The following TRIM26 variants were observed in gnomAD, a reference collection of about 807,000 sequenced individuals.
TRIM26 encodes tripartite motif-containing protein 26.
Under a neutral mutation model 45.5 loss-of-function variants are expected in TRIM26, and 16 were observed. That is an observed-to-expected ratio of 0.35 (90% CI 0.24 to 0.53). The LOEUF (loss-of-function observed/expected upper bound fraction) is 0.53. TRIM26 is among the 20% of genes least tolerant of loss of function. The pLI is 0.92. For synonymous variants in TRIM26, 273 were observed against 290.4 expected (o/e 0.94, Z 0.61); for missense variants, 442 against 691.1 (o/e 0.64, Z 4.04).
chr6:30,185,684 T>C lies in TRIM26; in HGVS notation c.*192A>G. ...GCAGGAGGTGGGAAAAGAGCCCCAT[T>C]AGGGCAGTAGATGGAGCAACAGCAC... is the stretch of plus-strand genomic sequence containing the variant. On this transcript the variant is annotated 3_prime_UTR_variant, in exon 10 of 10. Transcript: ENST00000454678. The surrounding 1 kb of genome is among the most constrained non-coding windows in gnomAD (Gnocchi z 5.7). 1.5e-6 allele frequency: 1 copy of C among 649,946 alleles called. No homozygotes were observed. The highest frequency in any genetic ancestry group is 2.6e-6 in the Non-Finnish European group (1 of 386,074). The allele number at this position is 649,946 out of a possible 1,614,324, so 40.3% of individuals were successfully genotyped here.
intron 9 of TRIM26, chr6:30,188,217 C>CA (rs9280914): frequency 0.023 from 2,424 of 105,066 alleles, 161 homozygotes; most frequent in Middle Eastern, 0.034. Context: ...GACTCCGTCT[C>CA]AAAAAAAAAA....
rs960434926 is a variant in TRIM26, at chr6:30,209,088, G to C, written c.-376+4217C>G. Among the ~76,000 whole-genome samples the C allele has an allele frequency of 6.6e-6, 1 of 152,134 alleles. No individual in the cohort carries two copies. The highest frequency in any genetic ancestry group is 2.4e-5 in the African/African-American group (1 of 41,418). ...ATGTTTATCTTTGGGGAGAGAAGGG[G>C]AAGGGCCCACCCAGCTTCTGTTCTT... is the stretch of plus-strand genomic sequence containing the variant. On this transcript the variant is annotated intron_variant, in intron 1 of 9. Transcript: ENST00000454678. The surrounding 1 kb of genome is among the most constrained non-coding windows in gnomAD (Gnocchi z 4.8).
intron 9 of TRIM26, among the ~76,000 whole-genome samples, chr6:30,187,850 G>A (rs1262668401): frequency 6.9e-5 from 10 of 144,812 alleles, no homozygotes; most frequent in Non-Finnish European, 1.5e-4. Context: ...CCTGGGAGGC[G>A]GGGCTCGCAG....
chr6:30,199,048 C>T lies in TRIM26; in HGVS notation c.56G>A (p.Cys19Tyr). ...CACAGGGTCCCGCAGGTAATCAAGACAGATGGAGCAGGTCACCTCCTCTTC... is the reference window on the plus strand; with the variant it reads ...CACAGGGTCCCGCAGGTAATCAAGATAGATGGAGCAGGTCACCTCCTCTTC... ...SLEEEVTCSICLDYLRDPVTI... is the reference protein window; with the variant it reads ...SLEEEVTCSIYLDYLRDPVTI... Residue 19 changes from cysteine (C) to tyrosine (Y), a missense_variant, in exon 4 of 10, where the codon TGT becomes TAT. Coordinates refer to ENST00000454678, the MANE Select transcript of TRIM26 (RefSeq NM_003449.5). 1 of 1,600,732 alleles carries T rather than the reference C, an allele frequency of 6.2e-7. No individual in the cohort carries two copies. The highest frequency in any genetic ancestry group is 8.5e-7 in the Non-Finnish European group (1 of 1,171,402).
chr6:30,184,844 G>C lies in TRIM26; in HGVS notation c.*1032C>G, dbSNP rs1774987715. ...CACCTGGACAGAGGTTGGGTCCGTG[G>C]GCAATGAGAAGACATGTTACTCCCT... is the stretch of plus-strand genomic sequence containing the variant. On this transcript the variant is annotated 3_prime_UTR_variant, in exon 10 of 10. Coordinates refer to ENST00000454678, the MANE Select transcript of TRIM26 (RefSeq NM_003449.5). 1 of 152,864 alleles carries C rather than the reference G, an allele frequency of 6.5e-6. No homozygotes were observed. Among genetic ancestry groups the C allele is most frequent in the South Asian group, 2.1e-4 (1 of 4,830 alleles). The allele number at this position is 152,864 out of a possible 1,614,324, so 9.5% of individuals were successfully genotyped here.
rs1392806624 is a variant in TRIM26 at position 30,198,842 on chromosome 6, G to C, written c.262C>G (p.Gln88Glu). 1.9e-6 allele frequency: 3 copies of C among 1,612,888 alleles called. No homozygotes were observed. Among genetic ancestry groups the C allele is most frequent in the African/African-American group, 1.3e-5 (1 of 75,020 alleles). ...TGCTCCCGGGTCACCTCTCCCGGCT[G>C]CCTGCCCTTGTCCACCTTCAGCCGC... ...IERLKVDKGR[Q>E]PGEVTREQQD... The change falls in exon 4 of 10, where the codon CAG (glutamine) becomes GAG (glutamate). Residue 88 changes from glutamine to glutamate, a missense_variant. Physicochemically the swap from Gln to Glu is conservative, Grantham distance 29. Coordinates refer to ENST00000454678, the MANE Select transcript of TRIM26 (RefSeq NM_003449.5). This position sits in a 1 kb window ranked among gnomAD's most constrained non-coding sequence, Gnocchi z 6.3.
Position 30,189,443 on chromosome 6 carries a change from CAG to C in TRIM26, c.877_878del (p.Leu293AlafsTer18). ...CCTGGAATTCCCTCAGGCCTCGTTG[CAG>C]AGAGAGGAGTTTATCTGAGAATTCT... is the stretch of plus-strand genomic sequence containing the variant. ...TGEFSDKLLS[L>X]QRGLREFQGK... On this transcript the variant is annotated frameshift_variant, in exon 8 of 10. Transcript: ENST00000454678. LOFTEE classifies it high-confidence loss of function. This position sits in a 1 kb window ranked among gnomAD's most constrained non-coding sequence, Gnocchi z 5.0. 1.2e-6 allele frequency: 2 copies of C among 1,612,988 alleles called. No homozygotes were observed. The highest frequency in any genetic ancestry group is 1.7e-6 in the Non-Finnish European group (2 of 1,180,026).
At chr6:30,188,851 G>A (rs1775497227) in intron 9 of TRIM26, among the ~76,000 whole-genome samples, 1 of 152,124 alleles carries the variant, frequency 6.6e-6, no homozygotes, top group African/African-American at 2.4e-5. Context: ...TCTGAATATA[G>A]GAGCCATGCA....
Position 30,199,021 on chromosome 6 carries a change from G to A in TRIM26, c.83C>T (p.Thr28Ile), listed in dbSNP as rs1425630564. The change falls in exon 4 of 10, where the codon ACC becomes ATC. Residue 28 changes from threonine (T) to isoleucine (I), a missense_variant. Transcript: ENST00000454678. Reference protein sequence around the residue: ...ICLDYLRDPVTIDCGHVFCRS... With the variant: ...ICLDYLRDPVIIDCGHVFCRS... ...GCAGAAGACGTGGCCACAGTCAATGGTCACAGGGTCCCGCAGGTAATCAAG... is the reference window on the plus strand; with the variant it reads ...GCAGAAGACGTGGCCACAGTCAATGATCACAGGGTCCCGCAGGTAATCAAG... 6.2e-7 allele frequency: 1 copy of A among 1,610,532 alleles called. No individual in the cohort carries two copies. Among genetic ancestry groups the A allele is most frequent in the African/African-American group, 1.3e-5 (1 of 74,860 alleles).
chr6:30,193,381 C>T (rs1013317797), intron 6 of TRIM26, among the ~76,000 whole-genome samples: 16 of 150,440 alleles, frequency 1.1e-4, no homozygotes, highest in South Asian at 2.1e-4. Context: ...GGGGTTTCAC[C>T]ATGTTGGTCA....
In TRIM26 at chr6:30,198,669, G is replaced by T; in HGVS notation, c.435C>A (p.His145Gln). The T allele has an allele frequency of 6.2e-7, 1 of 1,604,472 alleles. No individual in the cohort carries two copies. Reference protein sequence around the residue: ...AVLMEKAAQPHREKILNHLST... With the variant: ...AVLMEKAAQPQREKILNHLST... ...CTCGGGGGTGAAGAGGGCTTACCCT[G>T]TGGGGCTGGGCGGCCTTCTCCATGA... Residue 145 changes from histidine (H) to glutamine (Q), a missense_variant, in exon 4 of 10, where the codon CAC becomes CAA. Transcript: ENST00000454678. This position sits in a 1 kb window ranked among gnomAD's most constrained non-coding sequence, Gnocchi z 6.3.
chr6:30,189,886 G>T lies in TRIM26; in HGVS notation c.788+127C>A. 1 of 1,144,434 alleles carries T rather than the reference G, an allele frequency of 8.7e-7. No homozygotes were observed. Among genetic ancestry groups the T allele is most frequent in the Non-Finnish European group, 1.3e-6 (1 of 768,386 alleles). 70.9% of individuals were successfully genotyped at this position (1,144,434 alleles called of 1,614,324 possible). A position where few individuals can be genotyped will look rare whatever the true frequency, so the allele number is the denominator to read the frequency against. Reference sequence around the variant, plus strand: ...GTCCTGCTCCTCAGAAGGGCATCAGGATGAACCATGGGATGTGAGTACCTC... The same window carrying T: ...GTCCTGCTCCTCAGAAGGGCATCAGTATGAACCATGGGATGTGAGTACCTC... On this transcript the variant is annotated intron_variant, in intron 7 of 9. Coordinates refer to ENST00000454678, the MANE Select transcript of TRIM26 (RefSeq NM_003449.5). The surrounding 1 kb of genome is among the most constrained non-coding windows in gnomAD (Gnocchi z 5.0).
Position 30,186,160 on chromosome 6 carries a change from CAG to C in TRIM26, c.1334_1335del (p.Ser445CysfsTer34). The C allele has an allele frequency of 2.5e-6, 4 of 1,596,288 alleles. No individual in the cohort carries two copies. Among genetic ancestry groups the C allele is most frequent in the Non-Finnish European group, 3.4e-6 (4 of 1,170,976 alleles). ...AGGGAGAGGTCTCCCTTCCTCTTCA[CAG>C]AGTCTCTAGCCACCCCCACCATGCA... Reference protein sequence around the residue: ...ESCMVGVARDSVKRKGDLSLR... With the variant: ...ESCMVGVARDXVKRKGDLSLR... On this transcript the variant is annotated frameshift_variant, in exon 10 of 10. Transcript: ENST00000454678. LOFTEE classifies it high-confidence loss of function. This position sits in a 1 kb window ranked among gnomAD's most constrained non-coding sequence, Gnocchi z 7.4.
At chr6:30,188,260 TG>T in intron 9 of TRIM26, 1 of 340,140 alleles carries the variant, frequency 2.9e-6, no homozygotes, top group Non-Finnish European at 5.6e-6. Context: ...GGGACAGATG[TG>T]GCCTCTGAGT....
Position 30,189,228 on chromosome 6 carries a change from C to A in TRIM26, c.905-29G>T, listed in dbSNP as rs752530827. ...GGGAGAAAAAAGGACAGCAATGACT[C>A]AAGTCCCGAAAATTTATGAGCCCAT... On this transcript the variant is annotated intron_variant, in intron 8 of 9. Coordinates refer to ENST00000454678, the MANE Select transcript of TRIM26 (RefSeq NM_003449.5). This position sits in a 1 kb window ranked among gnomAD's most constrained non-coding sequence, Gnocchi z 5.0. 2 of 1,613,020 alleles carry A rather than the reference C, an allele frequency of 1.2e-6. No individual in the cohort carries two copies. The highest frequency in any genetic ancestry group is 2.2e-5 in the South Asian group (2 of 91,066).
At position 30,185,624 on chromosome 6, in the gene TRIM26, T is replaced by C; in HGVS notation, c.*252A>G. 1.8e-6 allele frequency: 1 copy of C among 545,776 alleles called. No homozygotes were observed. Among genetic ancestry groups the C allele is most frequent in the African/African-American group, 1.9e-5 (1 of 52,636 alleles). 33.8% of individuals were successfully genotyped at this position (545,776 alleles called of 1,614,324 possible). On this transcript the variant is annotated 3_prime_UTR_variant, in exon 10 of 10. Transcript: ENST00000454678. This position sits in a 1 kb window ranked among gnomAD's most constrained non-coding sequence, Gnocchi z 5.7. Reference sequence around the variant, plus strand: ...TGGTCAAAAAGGAAAGGAGCCCTCATGGACTCCAGGGTCAGAAGTTCCCTC... The same window carrying C: ...TGGTCAAAAAGGAAAGGAGCCCTCACGGACTCCAGGGTCAGAAGTTCCCTC...
chr6:30,203,051 T>C lies in TRIM26; in HGVS notation c.-266+1605A>G, dbSNP rs879510457. ...AAAAATTATTTCCTCTCTTTCTTTTTTTTTTTTTTTTTTTTGAGACAGGGT... is the reference window on the plus strand; with the variant it reads ...AAAAATTATTTCCTCTCTTTCTTTTCTTTTTTTTTTTTTTTGAGACAGGGT... On this transcript the variant is annotated intron_variant, in intron 2 of 9. Transcript: ENST00000454678. Among the ~76,000 whole-genome samples the C allele has an allele frequency of 2.6e-4, 39 of 148,934 alleles. 1 individual carries two copies. Among genetic ancestry groups the C allele is most frequent in the African/African-American group, 4.4e-4 (18 of 40,822 alleles).
Position 30,189,230 on chromosome 6 carries a change from A to G in TRIM26, c.905-31T>C, listed in dbSNP as rs983690041. 5 of 1,613,062 alleles carry G rather than the reference A, an allele frequency of 3.1e-6. No homozygotes were observed. The highest frequency in any genetic ancestry group is 1.3e-5 in the African/African-American group (1 of 75,054). On this transcript the variant is annotated intron_variant, in intron 8 of 9. Coordinates refer to ENST00000454678, the MANE Select transcript of TRIM26 (RefSeq NM_003449.5). The surrounding 1 kb of genome is among the most constrained non-coding windows in gnomAD (Gnocchi z 5.0). ...GAGAAAAAAGGACAGCAATGACTCA[A>G]GTCCCGAAAATTTATGAGCCCATTT...
rs1013872058 is a variant in TRIM26, at chr6:30,198,031, T to A, written c.534+398A>T. Reference sequence around the variant, plus strand: ...TCTCAGTTCTTACCCTGGAGCCAGCTCCCTCCTTCTAAACCCTCTCCACTC... The same window carrying A: ...TCTCAGTTCTTACCCTGGAGCCAGCACCCTCCTTCTAAACCCTCTCCACTC... On this transcript the variant is annotated intron_variant, in intron 5 of 9. Coordinates refer to ENST00000454678, the MANE Select transcript of TRIM26 (RefSeq NM_003449.5). The surrounding 1 kb of genome is among the most constrained non-coding windows in gnomAD (Gnocchi z 6.3). 6.6e-6 allele frequency among the ~76,000 whole-genome samples: 1 copy of A among 152,098 alleles called. No individual in the cohort carries two copies. Among genetic ancestry groups the A allele is most frequent in the Non-Finnish European group, 1.5e-5 (1 of 68,006 alleles).
Sources: allele counts gnomAD v4.1 joint callset (sites outside exome capture counted in the v4.1 genomes callset), GRCh38; gene constraint gnomAD v4.1.1; non-coding constraint Gnocchi (gnomAD v3.1); transcripts MANE v1.5; gene names NCBI Gene and HGNC (gene_info 2026-07-23, HGNC 2026-07-21).